ELAVL1: variants seen among roughly 807,000 people sequenced by gnomAD.
The protein encoded by ELAVL1 is ELAV like RNA binding protein 1, also known as ELAV-like protein 1.
In ELAVL1, 1 loss-of-function variant was observed where a neutral mutation model predicts 28.4. That is an observed-to-expected ratio of 0.04 (90% CI 0.01 to 0.17). The LOEUF is 0.17. Ranked by LOEUF, ELAVL1 falls within the 10% of genes least tolerant of loss-of-function variation. ELAVL1 has a pLI of 1.00. For missense variants in ELAVL1, 157 were observed against 447.2 expected, an observed-to-expected ratio of 0.35 and a Z score of 5.85; for synonymous variants, 174 against 183.5, an observed-to-expected ratio of 0.95 and a Z score of 0.42.
At chr19:7,973,678 C>G (rs767536556) in intron 4 of ELAVL1, 47 bp downstream of exon 4, 14 of 1,582,312 alleles carry the variant, frequency 8.8e-6, no homozygotes, top group Non-Finnish European at 6.0e-6. Flanking sequence ...AAACCCAGCC[C>G]CCACCTAGAG....
At chr19:7,984,321 T>C (rs953076161) in intron 2 of ELAVL1, among the ~76,000 whole-genome samples, 10 of 152,120 alleles carry the variant, frequency 6.6e-5, no homozygotes. Flanking sequence ...GGTGAGAAAC[T>C]GACAAGCATT....
At chr19:7,980,911 G>A (rs1985443929) in intron 3 of ELAVL1, among the ~76,000 whole-genome samples, 172 bp downstream of exon 3, 1 of 152,122 alleles carries the variant, frequency 6.6e-6, no homozygotes, top group African/African-American at 2.4e-5. Flanking sequence ...TGGGTCCTGA[G>A]ACACTCATGT....
chr19:7,970,046 C>T (rs1985064119), intron 4 of ELAVL1, among the ~76,000 whole-genome samples: 1 of 152,102 alleles, frequency 6.6e-6, no homozygotes, highest in South Asian at 2.1e-4. Context: ...GATCTCAGCT[C>T]ACTGCAACCT....
intron 1 of ELAVL1, among the ~76,000 whole-genome samples, chr19:7,993,285 G>C (rs1035733564): frequency 1.1e-4 from 17 of 152,220 alleles, no homozygotes; most frequent in Non-Finnish European, 1.5e-5. Context: ...CCTTTGGGTT[G>C]TCTCTCGAGA....
rs184190091 is a variant in ELAVL1, at chr19:7,985,376, A to G, written c.173-4190T>C. ...GCAGGGTCCACAAGCCACCTGCACC[A>G]GGGGCATCTGGAGTTCAAGGCAACA... On this transcript the variant is annotated intron_variant, in intron 2 of 5. Coordinates refer to ENST00000407627, the MANE Select transcript of ELAVL1 (RefSeq NM_001419.3). Among the ~76,000 whole-genome samples, 19 of 152,294 alleles carry G rather than the reference A, an allele frequency of 1.2e-4. No individual in the cohort carries two copies. In the East Asian group the frequency reaches 3.5e-3, roughly 28 times the overall value.
At chr19:7,970,160 A>G (rs1985067783) in intron 4 of ELAVL1, among the ~76,000 whole-genome samples, 1 of 142,022 alleles carries the variant, frequency 7.0e-6, no homozygotes, top group Non-Finnish European at 1.5e-5. Flanking sequence ...ATTTTACTTT[A>G]TTTATTTATT....
intron 3 of ELAVL1, among the ~76,000 whole-genome samples, chr19:7,978,350 G>C (rs1985359689): frequency 6.6e-6 from 1 of 152,098 alleles, no homozygotes; most frequent in Non-Finnish European, 1.5e-5. Context: ...GGGGCTGTGA[G>C]CTGGGCGATA....
Position 7,963,850 on chromosome 19 carries a change from C to T in ELAVL1, c.657-43G>A, listed in dbSNP as rs375548460. ...AGCGTCAGGCCACGGTCAGCGCAGG[C>T]GGCCTGGGGATGGGGCAAGGCCTGG... On this transcript the variant is annotated intron_variant, in intron 5 of 5. Coordinates refer to ENST00000407627, the MANE Select transcript of ELAVL1 (RefSeq NM_001419.3). The surrounding 1 kb of genome is among the most constrained non-coding windows in gnomAD (Gnocchi z 4.5). The T allele has an allele frequency of 3.0e-5, 48 of 1,585,328 alleles. No homozygotes were observed. The highest frequency in any genetic ancestry group is 1.3e-4 in the African/African-American group (10 of 74,290).
intron 2 of ELAVL1, among the ~76,000 whole-genome samples, chr19:7,991,186 G>A (rs191701205): frequency 4.1e-4 from 63 of 152,302 alleles, no homozygotes; most frequent in Non-Finnish European, 6.5e-4. Flanking sequence ...TGTCCACAAG[G>A]TCCTCGGTGT....
chr19:8,005,588 TGGCGGC>T lies in ELAVL1; in HGVS notation c.-116_-111del, dbSNP rs2081084973. 6.8e-6 allele frequency: 1 copy of T among 147,462 alleles called. No individual in the cohort carries two copies. Among genetic ancestry groups the T allele is most frequent in the African/African-American group, 2.5e-5 (1 of 40,196 alleles). 9.1% of individuals were successfully genotyped at this position (147,462 alleles called of 1,614,324 possible). On this transcript the variant is annotated 5_prime_UTR_variant, in exon 1 of 6. Transcript: ENST00000407627. ...CGGCTCCGCTCGGCCTCGGTAGCGG[TGGCGGC>T]GGTGGCGGCGACGGCGACGGCGGCA...
chr19:7,981,192 C>T lies in ELAVL1; in HGVS notation c.173-6G>A. On this transcript the variant is annotated splice_polypyrimidine_tract_variant and splice_region_variant and intron_variant, in intron 2 of 5. Coordinates refer to ENST00000407627, the MANE Select transcript of ELAVL1 (RefSeq NM_001419.3). This position sits in a 1 kb window ranked among gnomAD's most constrained non-coding sequence, Gnocchi z 4.2. Reference sequence around the variant, plus strand: ...GCCATAGCCCAAGCTGTGTCCTGTGCAAGAGAACATGAAGACATTGGTAAG... The same window carrying T: ...GCCATAGCCCAAGCTGTGTCCTGTGTAAGAGAACATGAAGACATTGGTAAG... The T allele has an allele frequency of 6.2e-7, 1 of 1,614,092 alleles. No homozygotes were observed. Among genetic ancestry groups the T allele is most frequent in the Non-Finnish European group, 8.5e-7 (1 of 1,179,976 alleles).
intron 5 of ELAVL1, among the ~76,000 whole-genome samples, chr19:7,967,048 CA>C (rs1188325130): frequency 6.9e-6 from 1 of 145,226 alleles, no homozygotes; most frequent in East Asian, 2.1e-4. Flanking sequence ...TTAATAAAAA[CA>C]AAAAAAGACA....
rs1274266698 is a variant in ELAVL1, at chr19:7,960,883, G to A, written c.*2600C>T. 1 of 152,158 alleles carries A rather than the reference G, an allele frequency of 6.6e-6. No homozygotes were observed. Among genetic ancestry groups the A allele is most frequent in the Non-Finnish European group, 1.5e-5 (1 of 68,030 alleles). The allele number at this position is 152,158 out of a possible 1,614,324, so 9.4% of individuals were successfully genotyped here. A position where few individuals can be genotyped will look rare whatever the true frequency, so the allele number is the denominator to read the frequency against. ...GCCTTGATAAGATGTAATGAACTTT[G>A]AGGACACAGGGCCAGCAACTAGAAC... is the stretch of plus-strand genomic sequence containing the variant. On this transcript the variant is annotated 3_prime_UTR_variant, in exon 6 of 6. Coordinates refer to ENST00000407627, the MANE Select transcript of ELAVL1 (RefSeq NM_001419.3).
At chr19:7,995,549 ATTTG>A (rs1013735662) in intron 1 of ELAVL1, among the ~76,000 whole-genome samples, 17 of 152,146 alleles carry the variant, frequency 1.1e-4, no homozygotes, top group African/African-American at 4.1e-4. Flanking sequence ...AGCTTGTCTC[ATTTG>A]TTTATGTATT....
rs760760897 is a variant in ELAVL1 at position 7,982,491 on chromosome 19, G to C, written c.173-1305C>G. On this transcript the variant is annotated intron_variant, in intron 2 of 5. Transcript: ENST00000407627. This position sits in a 1 kb window ranked among gnomAD's most constrained non-coding sequence, Gnocchi z 4.3. ...ACAGCAAGATTACAAATCCAGCAGA[G>C]AGCCTAACCCAGGTTTGCCACTTTC... Among the ~76,000 whole-genome samples the C allele has an allele frequency of 3.9e-5, 6 of 152,214 alleles. No individual in the cohort carries two copies. The highest frequency in any genetic ancestry group is 1.9e-4 in the East Asian group (1 of 5,200).
In ELAVL1 at chr19:7,967,641, C is replaced by G; in HGVS notation, c.580G>C (p.Ala194Pro). ...GAGTGGTACAGCTGCGAGAGGAGTG[C>G]CACGTTTTTGTTCTGGTTGGGGTTG... is the stretch of plus-strand genomic sequence containing the variant. ...AANPNQNKNV[A>P]LLSQLYHSPA... Residue 194 changes from alanine to proline, a missense_variant, in exon 5 of 6, where the codon GCA becomes CCA. Ala to Pro is a conservative substitution (Grantham distance 27). Around this residue, in one of 4 missense-constraint regions of ELAVL1, gnomAD observed 107 missense variants for 310.4 expected, o/e 0.34. Coordinates refer to ENST00000407627, the MANE Select transcript of ELAVL1 (RefSeq NM_001419.3). 2.5e-6 allele frequency: 4 copies of G among 1,614,170 alleles called. No homozygotes were observed. The highest frequency in any genetic ancestry group is 3.4e-6 in the Non-Finnish European group (4 of 1,180,028).
intron 4 of ELAVL1, among the ~76,000 whole-genome samples, chr19:7,971,543 G>A (rs1376093259): frequency 6.6e-6 from 1 of 152,264 alleles, no homozygotes; most frequent in Non-Finnish European, 1.5e-5. Context: ...ACTTAAGTGA[G>A]AGGACTTCAG....
intron 2 of ELAVL1, among the ~76,000 whole-genome samples, chr19:7,985,215 C>A (rs1001974060): frequency 1.3e-5 from 2 of 152,256 alleles, no homozygotes; most frequent in African/African-American, 4.8e-5. Flanking sequence ...CCACCGCGCC[C>A]AGCCTCCTCA....
chr19:7,967,531 A>C, intron 5 of ELAVL1, 34 bp downstream of exon 5: 2 of 1,604,234 alleles, frequency 1.2e-6, no homozygotes, highest in Non-Finnish European at 1.7e-6. Flanking sequence ...GGGGCTAAGT[A>C]TGGCTTTCAG....
Sources: allele counts gnomAD v4.1 joint callset (sites outside exome capture counted in the v4.1 genomes callset), GRCh38; gene constraint gnomAD v4.1.1; regional missense constraint gnomAD v4.1.1; non-coding constraint Gnocchi (gnomAD v3.1); transcripts MANE v1.5; gene names NCBI Gene and HGNC (gene_info 2026-07-23, HGNC 2026-07-21).